PIEZO2: variants seen among roughly 807,000 people sequenced by gnomAD.
PIEZO2 encodes piezo-type mechanosensitive ion channel component 2.
In PIEZO2, 172 loss-of-function variants were observed where a neutral mutation model predicts 337.3. That is an observed-to-expected ratio of 0.51 (90% CI 0.45 to 0.58). The LOEUF (loss-of-function observed/expected upper bound fraction) is 0.58. PIEZO2 is among the 20% of genes least tolerant of loss of function. PIEZO2 has a pLI of 0.00. For missense variants in PIEZO2, 3,028 were observed against 3,391.3 expected, an observed-to-expected ratio of 0.89 and a Z score of 2.66; for synonymous variants, 1,251 against 1,228.5, an observed-to-expected ratio of 1.02 and a Z score of -0.38.
intron 47 of PIEZO2, among the ~76,000 whole-genome samples, chr18:10,692,526 T>A (rs2034895236): frequency 6.6e-6 from 1 of 150,440 alleles, no homozygotes; most frequent in Non-Finnish European, 1.5e-5. Flanking sequence ...CCTTCTTGCT[T>A]CCTTCTTTCC....
chr18:11,054,017 C>G (rs2037628944), intron 2 of PIEZO2, among the ~76,000 whole-genome samples: 1 of 152,068 alleles, frequency 6.6e-6, no homozygotes, highest in South Asian at 2.1e-4. Context: ...GAGTGAAACC[C>G]CATCTCAAAA....
intron 7 of PIEZO2, among the ~76,000 whole-genome samples, chr18:10,812,148 A>G (rs573297766): frequency 6.6e-6 from 1 of 152,324 alleles, no homozygotes; most frequent in East Asian, 1.9e-4. Flanking sequence ...TAGTGTTTTT[A>G]AACTGAGAAT....
At chr18:10,844,185 A>T (rs1295141815) in intron 7 of PIEZO2, among the ~76,000 whole-genome samples, 1 of 150,480 alleles carries the variant, frequency 6.6e-6, no homozygotes, top group African/African-American at 2.4e-5. Flanking sequence ...TTGGGAGGCC[A>T]AGGAGGGCGG....
chr18:10,935,116 A>G (rs1269230448), intron 3 of PIEZO2, among the ~76,000 whole-genome samples: 1 of 152,134 alleles, frequency 6.6e-6, no homozygotes, highest in African/African-American at 2.4e-5. Context: ...ATTAAACTAT[A>G]TAGATAGCTG....
At position 11,116,643 on chromosome 18, in the gene PIEZO2, G is replaced by A. The variant is rs553244093; in HGVS notation, c.64+31882C>T. On this transcript the variant is annotated intron_variant, in intron 1 of 55. Coordinates refer to ENST00000674853, the MANE Select transcript of PIEZO2 (RefSeq NM_001378183.1). This position sits in a 1 kb window ranked among gnomAD's most constrained non-coding sequence, Gnocchi z 5.0. ...AGGCAGGAGAATGGCGTGAACCCGG[G>A]AGGCGTAGCTTGCAGTGAGCCGAGA... Among the ~76,000 whole-genome samples, 1 of 151,950 alleles carries A rather than the reference G, an allele frequency of 6.6e-6. No individual in the cohort carries two copies. Among genetic ancestry groups the A allele is most frequent in the Non-Finnish European group, 1.5e-5 (1 of 67,996 alleles).
intron 7 of PIEZO2, among the ~76,000 whole-genome samples, chr18:10,835,547 CTT>C (rs58831248): frequency 5.5e-5 from 8 of 146,314 alleles, no homozygotes; most frequent in Non-Finnish European, 3.0e-5. Context: ...TAACCAAGTT[CTT>C]TTTTTTTTTT....
rs555938338 is a variant in PIEZO2, at chr18:11,077,701, T to C, written c.65-11479A>G. On this transcript the variant is annotated intron_variant, in intron 1 of 55. Transcript: ENST00000674853. This position sits in a 1 kb window ranked among gnomAD's most constrained non-coding sequence, Gnocchi z 4.8. ...TCATAGAGATTTCAAGTTTGGGAAG[T>C]TGTTGCTCCATTTTCATTAATATCA... Among the ~76,000 whole-genome samples the C allele has an allele frequency of 2.6e-5, 4 of 151,024 alleles. No homozygotes were observed. In the South Asian group the frequency reaches 8.4e-4, roughly 32 times the overall value.
At position 11,028,204 on chromosome 18, in the gene PIEZO2, T is replaced by C. The variant is rs1051504429; in HGVS notation, c.160+37923A>G. On this transcript the variant is annotated intron_variant, in intron 2 of 55. Transcript: ENST00000674853. The surrounding 1 kb of genome is among the most constrained non-coding windows in gnomAD (Gnocchi z 4.8). Reference sequence around the variant, plus strand: ...AATGCAAGTAAGGAAGCTAGGCTTTTCTGTACATCGCCTTCTTTCTTTTCT... The same window carrying C: ...AATGCAAGTAAGGAAGCTAGGCTTTCCTGTACATCGCCTTCTTTCTTTTCT... 6.6e-6 allele frequency among the ~76,000 whole-genome samples: 1 copy of C among 152,238 alleles called. No homozygotes were observed. Among genetic ancestry groups the C allele is most frequent in the Non-Finnish European group, 1.5e-5 (1 of 68,042 alleles).
chr18:10,924,534 A>G (rs551290751), intron 3 of PIEZO2, among the ~76,000 whole-genome samples: 3 of 152,326 alleles, frequency 2.0e-5, no homozygotes, highest in African/African-American at 7.2e-5. Context: ...AAGAGGTCCT[A>G]TGTTGCGGCC....
At chr18:10,770,811 C>T (rs919326877) in intron 20 of PIEZO2, among the ~76,000 whole-genome samples, 28 of 138,872 alleles carry the variant, frequency 2.0e-4, no homozygotes, top group African/African-American at 6.8e-4. Flanking sequence ...GGCACAATCT[C>T]GGCTCACTGC....
intron 2 of PIEZO2, among the ~76,000 whole-genome samples, chr18:11,006,053 T>C (rs897670195): frequency 2.7e-4 from 41 of 152,356 alleles, no homozygotes; most frequent in African/African-American, 8.4e-4. Context: ...GGATCTTACA[T>C]GCCTGTCTCT....
chr18:10,766,573 A>T lies in PIEZO2; in HGVS notation c.2947-3475T>A, dbSNP rs1275104050. ...GGGCCTGAGGGCCCTGCCTCAAGGG[A>T]AGGGGCCTCTGAGAACCAAAGCCTC... On this transcript the variant is annotated intron_variant, in intron 21 of 55. Coordinates refer to ENST00000674853, the MANE Select transcript of PIEZO2 (RefSeq NM_001378183.1). The surrounding 1 kb of genome is among the most constrained non-coding windows in gnomAD (Gnocchi z 6.1). 6.6e-6 allele frequency among the ~76,000 whole-genome samples: 1 copy of T among 152,178 alleles called. No homozygotes were observed. Among genetic ancestry groups the T allele is most frequent in the Non-Finnish European group, 1.5e-5 (1 of 68,032 alleles).
chr18:10,823,899 T>A (rs748550868), intron 7 of PIEZO2, among the ~76,000 whole-genome samples: 1 of 152,246 alleles, frequency 6.6e-6, no homozygotes, highest in Non-Finnish European at 1.5e-5. Flanking sequence ...CTGCCACATT[T>A]CGTTCTGCCA....
At chr18:11,067,397 A>C (rs1206153474) in intron 1 of PIEZO2, among the ~76,000 whole-genome samples, 1 of 152,206 alleles carries the variant, frequency 6.6e-6, no homozygotes, top group African/African-American at 2.4e-5. Flanking sequence ...AGAAAAAAAA[A>C]ATTATCTTGA....
intron 4 of PIEZO2, among the ~76,000 whole-genome samples, chr18:10,879,391 C>CTT (rs11385433): frequency 0.049 from 5,182 of 105,836 alleles, 411 homozygotes; most frequent in African/African-American, 0.12. Context: ...CCTTTCCAAT[C>CTT]TTTTTTTTTT....
At position 10,726,465 on chromosome 18, in the gene PIEZO2, A is replaced by G; in HGVS notation, c.5029+4942T>C. ...GCTACGGCCGGCGAACCCCACGAGGAGGGCCTGGCCACCCTGCACAGCGTG... is the reference window on the plus strand; with the variant it reads ...GCTACGGCCGGCGAACCCCACGAGGGGGGCCTGGCCACCCTGCACAGCGTG... On this transcript the variant is annotated intron_variant, in intron 36 of 55. Coordinates refer to ENST00000674853, the MANE Select transcript of PIEZO2 (RefSeq NM_001378183.1). This position sits in a 1 kb window ranked among gnomAD's most constrained non-coding sequence, Gnocchi z 5.9. The G allele has an allele frequency of 6.5e-7, 1 of 1,528,308 alleles. No individual in the cohort carries two copies. The highest frequency in any genetic ancestry group is 2.5e-5 in the East Asian group (1 of 40,758). 94.7% of individuals were successfully genotyped at this position (1,528,308 alleles called of 1,614,324 possible). A position where few individuals can be genotyped will look rare whatever the true frequency, so the allele number is the denominator to read the frequency against.
intron 1 of PIEZO2, among the ~76,000 whole-genome samples, chr18:11,113,480 C>T (rs1017494552): frequency 1.4e-4 from 21 of 152,190 alleles, no homozygotes; most frequent in African/African-American, 4.3e-4. Flanking sequence ...GAAAACCCTC[C>T]GGATATGCGG....
At chr18:11,107,745 G>C (rs1249767449) in intron 1 of PIEZO2, among the ~76,000 whole-genome samples, 3 of 152,108 alleles carry the variant, frequency 2.0e-5, no homozygotes, top group Admixed American at 6.5e-5. Flanking sequence ...AAATCATAAG[G>C]TAATTTTACA....
chr18:10,991,152 T>G (rs959844955), intron 2 of PIEZO2, among the ~76,000 whole-genome samples: 4 of 139,964 alleles, frequency 2.9e-5, no homozygotes, highest in African/African-American at 1.2e-4. Flanking sequence ...TTGGAAGGTT[T>G]TATACACACA....
Sources: gnomAD v4.1 joint callset for allele counts (sites outside exome capture counted in the v4.1 genomes callset) on GRCh38, gnomAD v4.1.1 for gene constraint, Gnocchi (gnomAD v3.1) non-coding constraint, MANE v1.5 for transcripts, NCBI Gene and HGNC (gene_info 2026-07-23, HGNC 2026-07-21) for gene names.